Variants in FAM81A observed in about 807,000 individuals in gnomAD.
FAM81A encodes the protein family with sequence similarity 81 member A, also known as protein FAM81A.
In FAM81A, 19 loss-of-function variants were observed where a neutral mutation model predicts 46.7. That is an observed-to-expected ratio of 0.41 (90% CI 0.28 to 0.60). The LOEUF (loss-of-function observed/expected upper bound fraction) is 0.60. FAM81A is among the 20% of genes least tolerant of loss of function. FAM81A has a pLI of 0.34. For synonymous variants in FAM81A, 183 were observed against 152.9 expected, an observed-to-expected ratio of 1.20 and a Z score of -1.45; for missense variants, 377 against 453.5, an observed-to-expected ratio of 0.83 and a Z score of 1.53.
intron 4 of FAM81A, 52 bp downstream of exon 4, chr15:59,492,441 A>C: frequency 7.1e-7 from 1 of 1,403,716 alleles, no homozygotes; most frequent in South Asian, 1.2e-5. Context: ...TTTTCTATAA[A>C]CTCCATTATA....
At chr15:59,506,719 T>A (rs544006914) in intron 4 of FAM81A, among the ~76,000 whole-genome samples, 2 of 152,330 alleles carry the variant, frequency 1.3e-5, no homozygotes, top group East Asian at 3.9e-4. Flanking sequence ...GCAGCAGCTT[T>A]TACTACAGCT....
chr15:59,407,317 C>G (rs1177618574), intron 2 of FAM81A: 2 of 100,048 alleles, frequency 2.0e-5, no homozygotes, highest in African/African-American at 6.8e-5. Context: ...TTTTTTGAGA[C>G]AGAGTCTCGC....
intron 2 of FAM81A, among the ~76,000 whole-genome samples, chr15:59,405,513 T>A (rs146226573): frequency 6.6e-6 from 1 of 152,062 alleles, no homozygotes; most frequent in Admixed American, 6.6e-5. Flanking sequence ...TGGTGGTGCA[T>A]GCCTGTAATC....
intron 3 of FAM81A, among the ~76,000 whole-genome samples, chr15:59,471,970 T>G (rs1363249166): frequency 6.6e-6 from 1 of 152,222 alleles, no homozygotes; most frequent in Non-Finnish European, 1.5e-5. Flanking sequence ...GACAGTGCAA[T>G]GGGTCTGTGT....
At chr15:59,451,692 A>G (rs1374631345) in intron 1 of FAM81A, among the ~76,000 whole-genome samples, 1 of 152,094 alleles carries the variant, frequency 6.6e-6, no homozygotes, top group Non-Finnish European at 1.5e-5. Context: ...ACCTCAAATG[A>G]TCCGTCCACC....
intron 6 of FAM81A, among the ~76,000 whole-genome samples, chr15:59,513,110 AT>A (rs2082230586): frequency 6.6e-6 from 1 of 152,378 alleles, no homozygotes; most frequent in Admixed American, 6.5e-5. Flanking sequence ...ACATATTATA[AT>A]AAAAACTGGA....
chr15:59,441,593 T>G lies in FAM81A; in HGVS notation c.-78+3311T>G, dbSNP rs77187764. 8.5e-3 allele frequency among the ~76,000 whole-genome samples: 1,297 copies of G among 152,364 alleles called. 19 individuals carry two copies. The highest frequency in any genetic ancestry group is 0.029 in the African/African-American group (1,206 of 41,584). Reference sequence around the variant, plus strand: ...TATTCTGGTTTCACCCTCATCTTTCTGTTGAAACTGCTTCCTCAGAGGGCT... The same window carrying G: ...TATTCTGGTTTCACCCTCATCTTTCGGTTGAAACTGCTTCCTCAGAGGGCT... On this transcript the variant is annotated intron_variant, in intron 1 of 8. Transcript: ENST00000288228.
chr15:59,503,036 TTCTGAGACCAGCC>T (rs1283548623), intron 4 of FAM81A, among the ~76,000 whole-genome samples: 2 of 151,132 alleles, frequency 1.3e-5, no homozygotes, highest in Non-Finnish European at 2.9e-5. Flanking sequence ...AGGTCAGGAG[TTCTGAGACCAGCC>T]TCGCCAACAT....
intron 3 of FAM81A, among the ~76,000 whole-genome samples, chr15:59,469,625 G>T (rs1198638600): frequency 1.3e-5 from 2 of 151,684 alleles, no homozygotes; most frequent in Admixed American, 6.6e-5. Context: ...ACATGAGATG[G>T]GTCTCCTGAA....
intron 1 of FAM81A, among the ~76,000 whole-genome samples, chr15:59,448,346 C>T (rs1375887263): frequency 6.6e-6 from 1 of 152,030 alleles, no homozygotes; most frequent in African/African-American, 2.4e-5. Context: ...CACAGCACTC[C>T]AGCCTGGGCC....
At chr15:59,471,448 C>G (rs2081688126) in intron 3 of FAM81A, among the ~76,000 whole-genome samples, 1 of 152,018 alleles carries the variant, frequency 6.6e-6, no homozygotes, top group African/African-American at 2.4e-5. Flanking sequence ...TCCTTTGTGA[C>G]TACTGTTTGC....
At chr15:59,422,216 G>GTC (rs2081177200) in intron 2 of FAM81A, among the ~76,000 whole-genome samples, 1 of 151,864 alleles carries the variant, frequency 6.6e-6, no homozygotes, top group Non-Finnish European at 1.5e-5. Context: ...GTGAGACCCT[G>GTC]TCTCTACACA....
upstream of FAM81A, among the ~76,000 whole-genome samples, chr15:59,435,039 A>C (rs2081237210): frequency 6.6e-6 from 1 of 152,242 alleles, no homozygotes; most frequent in Admixed American, 6.5e-5. Context: ...CTGTAATCCC[A>C]GCACTTTGGG....
At position 59,517,727 on chromosome 15, in the gene FAM81A, A is replaced by G. The variant is rs141285844; in HGVS notation, c.982+887A>G. The stretch of plus-strand genomic sequence containing the variant: ...TTTTATTTATAGGAGCTACAATTAA[A>G]TATATGAATTGGAGAACTTGTAAAG... On this transcript the variant is annotated intron_variant, in intron 8 of 8. Transcript: ENST00000288228. Among the ~76,000 whole-genome samples the G allele has an allele frequency of 5.9e-3, 902 of 152,332 alleles. 6 individuals carry two copies. Among genetic ancestry groups the G allele is most frequent in the African/African-American group, 0.02 (852 of 41,572 alleles).
chr15:59,431,283 G>C (rs889757814), intron 2 of FAM81A, among the ~76,000 whole-genome samples: 3 of 151,652 alleles, frequency 2.0e-5, no homozygotes, highest in Admixed American at 6.6e-5. Flanking sequence ...CACCCAGGCT[G>C]GAGTGCAGTG....
At chr15:59,427,350 A>C (rs1173631858) in intron 2 of FAM81A, among the ~76,000 whole-genome samples, 1 of 147,486 alleles carries the variant, frequency 6.8e-6, no homozygotes, top group Non-Finnish European at 1.5e-5. Context: ...ACCTCAAGTG[A>C]TTTGCTTGTC....
chr15:59,507,127 G>A, intron 4 of FAM81A, 86 bp from the exon 5 acceptor site: 1 of 1,484,952 alleles, frequency 6.7e-7, no homozygotes, highest in Non-Finnish European at 9.0e-7. Context: ...CTTTGAGTGG[G>A]TTTTGCATTT....
intron 7 of FAM81A, among the ~76,000 whole-genome samples, chr15:59,514,942 A>T (rs1176843639): frequency 6.6e-6 from 1 of 152,152 alleles, no homozygotes; most frequent in Non-Finnish European, 1.5e-5. Context: ...ACTGCTCAAA[A>T]ACGATATCAA....
chr15:59,458,891 G>T (rs1255740621), intron 2 of FAM81A, among the ~76,000 whole-genome samples: 1 of 152,214 alleles, frequency 6.6e-6, no homozygotes, highest in Non-Finnish European at 1.5e-5. Flanking sequence ...ATAACTCCGG[G>T]GGCTTCAGGC....
Sources: gnomAD v4.1 joint callset for allele counts (sites outside exome capture counted in the v4.1 genomes callset) on GRCh38, gnomAD v4.1.1 for gene constraint, MANE v1.5 for transcripts, NCBI Gene and HGNC (gene_info 2026-07-23, HGNC 2026-07-21) for gene names.